HS3ST3A1: variants seen among roughly 807,000 people sequenced by gnomAD.
The protein encoded by HS3ST3A1 is heparan sulfate-glucosamine 3-sulfotransferase 3A1, also known as heparan sulfate glucosamine 3-O-sulfotransferase 3A1.
HS3ST3A1 carries 19 observed loss-of-function variants against 25.7 expected under a neutral mutation model. The ratio of observed to expected loss-of-function variants is 0.74; its 90% CI spans 0.52 to 1.08. The LOEUF (loss-of-function observed/expected upper bound fraction) is 1.08. HS3ST3A1 is among the 50% of genes least tolerant of loss of function. HS3ST3A1 has a pLI of 0.00. For missense variants in HS3ST3A1, 459 were observed against 594.3 expected (o/e 0.77, Z 2.37); for synonymous variants, 226 against 278.6 (o/e 0.81, Z 1.88).
At chr17:13,529,541 T>C (rs55906252) in intron 1 of HS3ST3A1, among the ~76,000 whole-genome samples, 4,868 of 152,318 alleles carry the variant, frequency 0.032, 102 homozygotes, top group Non-Finnish European at 0.049. Context: ...CATTGTAATA[T>C]GGGAAACACT....
intron 1 of HS3ST3A1, among the ~76,000 whole-genome samples, chr17:13,497,303 C>G (rs947515805): frequency 1.3e-5 from 2 of 152,132 alleles, no homozygotes; most frequent in African/African-American, 2.4e-5. Context: ...ACACAAAATA[C>G]TTATGTTTGT....
At chr17:13,565,538 AT>A (rs1907655719) in intron 1 of HS3ST3A1, among the ~76,000 whole-genome samples, 1 of 129,684 alleles carries the variant, frequency 7.7e-6, no homozygotes, top group Non-Finnish European at 1.9e-5. Context: ...TCTCAAAAAA[AT>A]AAATAAGTAA....
intron 1 of HS3ST3A1, among the ~76,000 whole-genome samples, chr17:13,520,493 A>T (rs1598412301): frequency 6.6e-6 from 1 of 152,178 alleles, no homozygotes; most frequent in Admixed American, 6.5e-5. Flanking sequence ...AAAATCTAGG[A>T]CCCTATTCTG....
intron 1 of HS3ST3A1, among the ~76,000 whole-genome samples, chr17:13,577,172 T>C (rs1024904249): frequency 1.5e-4 from 23 of 152,138 alleles, no homozygotes; most frequent in African/African-American, 5.6e-4. Flanking sequence ...TCAATTACCT[T>C]CCACCAGGTC....
chr17:13,563,608 A>G (rs1416776840), intron 1 of HS3ST3A1, among the ~76,000 whole-genome samples: 2 of 152,166 alleles, frequency 1.3e-5, no homozygotes, highest in Non-Finnish European at 2.9e-5. Flanking sequence ...GCTTCACAGA[A>G]ATCCAGAGGT....
At chr17:13,577,199 G>A (rs755003518) in intron 1 of HS3ST3A1, among the ~76,000 whole-genome samples, 1 of 152,144 alleles carries the variant, frequency 6.6e-6, no homozygotes, top group Non-Finnish European at 1.5e-5. Context: ...ATGACACATG[G>A]AAATTATGGG....
intron 1 of HS3ST3A1, among the ~76,000 whole-genome samples, chr17:13,513,551 T>C (rs1905950330): frequency 6.6e-6 from 1 of 152,216 alleles, no homozygotes; most frequent in Non-Finnish European, 1.5e-5. Flanking sequence ...GATCTCATTC[T>C]ATGCAGAGCT....
chr17:13,562,754 T>TC (rs1206291163), intron 1 of HS3ST3A1, among the ~76,000 whole-genome samples: 1 of 152,058 alleles, frequency 6.6e-6, no homozygotes, highest in African/African-American at 2.4e-5. Context: ...GAGTCAAATA[T>TC]CAAGGCACCC....
intron 1 of HS3ST3A1, among the ~76,000 whole-genome samples, chr17:13,543,181 G>A (rs192417870): frequency 1.5e-4 from 23 of 152,252 alleles, no homozygotes; most frequent in Middle Eastern, 6.8e-3. Context: ...CTAATGAAGC[G>A]TTCATGGAAA....
At chr17:13,565,966 T>G (rs1907665102) in intron 1 of HS3ST3A1, among the ~76,000 whole-genome samples, 1 of 152,208 alleles carries the variant, frequency 6.6e-6, no homozygotes, top group South Asian at 2.1e-4. Flanking sequence ...TCTCAAATCT[T>G]TTCATTGTTA....
At chr17:13,496,928 C>T in intron 1 of HS3ST3A1, 110 bp from the exon 2 acceptor site, 1 of 1,450,546 alleles carries the variant, frequency 6.9e-7, no homozygotes, top group South Asian at 1.4e-5. Flanking sequence ...CCGCAACCCC[C>T]CACTTGCTAG....
chr17:13,517,292 A>G (rs1045385682), intron 1 of HS3ST3A1, among the ~76,000 whole-genome samples: 1 of 152,258 alleles, frequency 6.6e-6, no homozygotes, highest in Admixed American at 6.5e-5. Context: ...TTTAGTAAAC[A>G]TTTATTGAAC....
intron 1 of HS3ST3A1, among the ~76,000 whole-genome samples, chr17:13,506,890 C>G (rs995530060): frequency 6.9e-6 from 1 of 144,122 alleles, no homozygotes; most frequent in African/African-American, 2.6e-5. Flanking sequence ...AACCCTGTCT[C>G]TACTAAAATA....
At chr17:13,545,433 C>T (rs921994662) in intron 1 of HS3ST3A1, among the ~76,000 whole-genome samples, 1 of 152,194 alleles carries the variant, frequency 6.6e-6, no homozygotes, top group African/African-American at 2.4e-5. Context: ...GATTGGCCTG[C>T]CTTCACCATC....
chr17:13,502,907 G>T (rs1194820674), intron 1 of HS3ST3A1, among the ~76,000 whole-genome samples: 1 of 151,200 alleles, frequency 6.6e-6, no homozygotes, highest in Non-Finnish European at 1.5e-5. Flanking sequence ...AGGGCCAGGG[G>T]TGGTGGCTCA....
chr17:13,601,182 C>A lies in HS3ST3A1; in HGVS notation c.-53G>T. The stretch of plus-strand genomic sequence containing the variant: ...CGCCGGCCATGCTAGGCCTGGACCC[C>A]GACAGGTGCCAGAGCATCCCCCCGG... On this transcript the variant is annotated 5_prime_UTR_variant, in exon 1 of 2. Coordinates refer to ENST00000284110, the MANE Select transcript of HS3ST3A1 (RefSeq NM_006042.3). The A allele has an allele frequency of 7.4e-7, 1 of 1,342,422 alleles. No homozygotes were observed. The highest frequency in any genetic ancestry group is 1.6e-5 in the South Asian group (1 of 64,314). The allele number at this position is 1,342,422 out of a possible 1,614,324, so 83.2% of individuals were successfully genotyped here. A position where few individuals can be genotyped will look rare whatever the true frequency, so the allele number is the denominator to read the frequency against.
In HS3ST3A1 at chr17:13,546,638, C is replaced by T. The variant is rs368873354; in HGVS notation, c.600-49820G>A. Among the ~76,000 whole-genome samples the T allele has an allele frequency of 2.6e-5, 4 of 152,178 alleles. No individual in the cohort carries two copies. In the South Asian group the frequency reaches 8.3e-4, roughly 32 times the overall value. On this transcript the variant is annotated intron_variant, in intron 1 of 1. Transcript: ENST00000284110. ...CTGATTTCCCTATGGAAATGGCACC[C>T]CCTCTTTCAGCCTCTCTCTTTAACT...
At chr17:13,523,410 C>T (rs541667251) in intron 1 of HS3ST3A1, among the ~76,000 whole-genome samples, 21 of 152,100 alleles carry the variant, frequency 1.4e-4, no homozygotes, top group East Asian at 1.4e-3. Flanking sequence ...GGGAAAATTA[C>T]GAAGACAGAG....
intron 1 of HS3ST3A1, among the ~76,000 whole-genome samples, chr17:13,530,117 C>T (rs1484661652): frequency 6.6e-6 from 1 of 152,028 alleles, no homozygotes. Flanking sequence ...GAAATGCCCC[C>T]TTTTCATTCC....
Sources: gnomAD v4.1 joint callset for allele counts (sites outside exome capture counted in the v4.1 genomes callset) on GRCh38, gnomAD v4.1.1 for gene constraint, MANE v1.5 for transcripts, NCBI Gene and HGNC (gene_info 2026-07-23, HGNC 2026-07-21) for gene names.